Variants in FHIT observed in about 807,000 individuals in gnomAD.
FHIT encodes the protein fragile histidine triad diadenosine triphosphatase.
FHIT carries 19 observed loss-of-function variants against 17.9 expected under a neutral mutation model. That is an observed-to-expected ratio of 1.06 (90% CI 0.74 to 1.56). The LOEUF is 1.56. FHIT is among the 40% of genes most tolerant of loss of function. FHIT has a pLI of 0.00. For missense variants in FHIT, 248 were observed against 189.2 expected, an observed-to-expected ratio of 1.31 and a Z score of -1.82; for synonymous variants, 81 against 69.7, an observed-to-expected ratio of 1.16 and a Z score of -0.81.
At position 61,149,836 on chromosome 3, in the gene FHIT, T is replaced by C. The variant is rs529673299; in HGVS notation, c.-164+50781A>G. On this transcript the variant is annotated intron_variant, in intron 2 of 9. Transcript: ENST00000492590. The stretch of plus-strand genomic sequence containing the variant: ...TAGAGGCTGCAATGGGCCATGATTG[T>C]GCCACTGCACTGCAGCCTGAGACCC... Among the ~76,000 whole-genome samples the C allele has an allele frequency of 3.3e-5, 5 of 152,238 alleles. No homozygotes were observed. In the South Asian group the frequency reaches 1.0e-3, roughly 32 times the overall value.
chr3:59,913,071 C>A (rs567554820), intron 8 of FHIT, among the ~76,000 whole-genome samples: 1 of 152,162 alleles, frequency 6.6e-6, no homozygotes, highest in African/African-American at 2.4e-5. Context: ...ATGGGGACTA[C>A]TGGGCCATAT....
intron 4 of FHIT, among the ~76,000 whole-genome samples, chr3:60,597,898 A>C (rs775273780): frequency 6.6e-6 from 1 of 152,184 alleles, no homozygotes; most frequent in Non-Finnish European, 1.5e-5. Context: ...GAGGAAGAAC[A>C]ACAAAAGTAG....
chr3:60,317,621 G>A (rs1021818198), intron 5 of FHIT, among the ~76,000 whole-genome samples: 3 of 140,162 alleles, frequency 2.1e-5, no homozygotes, highest in African/African-American at 8.2e-5. Context: ...TTATATATGT[G>A]TGTGTGTGTG....
At chr3:60,462,354 G>A (rs941638938) in intron 5 of FHIT, among the ~76,000 whole-genome samples, 2 of 152,090 alleles carry the variant, frequency 1.3e-5, no homozygotes, top group African/African-American at 4.8e-5. Flanking sequence ...GCCAAGTTTG[G>A]TTTGAAGCCA....
chr3:60,689,866 A>C (rs1322343699), intron 4 of FHIT, among the ~76,000 whole-genome samples: 3 of 152,152 alleles, frequency 2.0e-5, no homozygotes, highest in African/African-American at 7.2e-5. Context: ...TTTGTGTGAC[A>C]TATTTTCTCT....
chr3:60,077,686 TCACACACACA>T (rs35531886), intron 5 of FHIT, among the ~76,000 whole-genome samples: 1,358 of 110,356 alleles, frequency 0.012, 37 homozygotes, highest in African/African-American at 0.044. Flanking sequence ...CGATTTTACT[TCACACACACA>T]CACACACACA....
At chr3:61,199,717 A>G (rs2038958967) in intron 2 of FHIT, among the ~76,000 whole-genome samples, 1 of 152,036 alleles carries the variant, frequency 6.6e-6, no homozygotes, top group African/African-American at 2.4e-5. Flanking sequence ...AACTTTAACT[A>G]AAGTGGTCAT....
At chr3:59,849,833 A>C (rs186664119) in intron 8 of FHIT, among the ~76,000 whole-genome samples, 3 of 152,366 alleles carry the variant, frequency 2.0e-5, no homozygotes, top group African/African-American at 7.2e-5. Context: ...TTGTTTCTGC[A>C]GTGAAGGAAA....
At chr3:60,505,228 C>G (rs11719292) in intron 5 of FHIT, among the ~76,000 whole-genome samples, 1 of 151,990 alleles carries the variant, frequency 6.6e-6, no homozygotes. Flanking sequence ...AGACTGGTTC[C>G]AGGCCTCTGC....
chr3:61,014,805 A>AAAAATATAT (rs2032002912), intron 3 of FHIT, among the ~76,000 whole-genome samples: 1 of 49,654 alleles, frequency 2.0e-5, no homozygotes, highest in Non-Finnish European at 4.4e-5. Context: ...AAAAAAAAAA[A>AAAAATATAT]AAATATATAT....
chr3:61,200,809 C>T (rs2038988218), intron 1 of FHIT, 144 bp from the exon 2 acceptor site: 1 of 152,196 alleles, frequency 6.6e-6, no homozygotes, highest in Non-Finnish European at 1.5e-5. Flanking sequence ...GTGCCTCATA[C>T]CTCCCGCACA....
chr3:61,151,905 A>G (rs923289109), intron 2 of FHIT, among the ~76,000 whole-genome samples: 7 of 152,246 alleles, frequency 4.6e-5, no homozygotes, highest in Middle Eastern at 3.4e-3. Context: ...CTTAAATCCA[A>G]TTTCACTCAT....
intron 8 of FHIT, among the ~76,000 whole-genome samples, chr3:59,824,816 A>G (rs72888522): frequency 0.049 from 7,424 of 151,894 alleles, 598 homozygotes; most frequent in African/African-American, 0.16. Flanking sequence ...ACTTTTCTCT[A>G]TCCTCTCTCT....
chr3:60,130,384 T>C (rs1015039509), intron 5 of FHIT, among the ~76,000 whole-genome samples: 12 of 152,170 alleles, frequency 7.9e-5, no homozygotes, highest in African/African-American at 2.9e-4. Flanking sequence ...GCACTATCCA[T>C]GCTCACAACA....
At chr3:60,075,177 C>T (rs957651415) in intron 5 of FHIT, among the ~76,000 whole-genome samples, 1 of 152,090 alleles carries the variant, frequency 6.6e-6, no homozygotes, top group Non-Finnish European at 1.5e-5. Flanking sequence ...TAAACTAGAG[C>T]TGCTGGGTCA....
intron 8 of FHIT, among the ~76,000 whole-genome samples, chr3:59,903,045 T>C (rs1344467592): frequency 6.6e-6 from 1 of 152,200 alleles, no homozygotes; most frequent in African/African-American, 2.4e-5. Context: ...TGTTAAATCA[T>C]CACACAGTAT....
intron 5 of FHIT, among the ~76,000 whole-genome samples, chr3:60,515,195 C>T (rs563561520): frequency 3.3e-5 from 5 of 152,146 alleles, no homozygotes; most frequent in African/African-American, 9.6e-5. Context: ...CTAGTGTGAG[C>T]GGAAGCTGGG....
intron 5 of FHIT, among the ~76,000 whole-genome samples, chr3:60,252,389 T>C (rs926631727): frequency 6.6e-6 from 1 of 151,694 alleles, no homozygotes; most frequent in African/African-American, 2.4e-5. Flanking sequence ...ATAAAAAAAT[T>C]TTAAAAATTT....
intron 2 of FHIT, among the ~76,000 whole-genome samples, chr3:61,081,495 C>T (rs957050196): frequency 6.6e-6 from 1 of 152,200 alleles, no homozygotes; most frequent in Non-Finnish European, 1.5e-5. Context: ...AAACCATCAT[C>T]GTAGCCTTTT....
Sources: allele counts gnomAD v4.1 joint callset (sites outside exome capture counted in the v4.1 genomes callset), GRCh38; gene constraint gnomAD v4.1.1; transcripts MANE v1.5; gene names NCBI Gene and HGNC (gene_info 2026-07-23, HGNC 2026-07-21).